Variants in BTBD8 observed in about 807,000 individuals in gnomAD.
BTBD8 encodes BTB domain containing 8, also known as BTB/POZ domain-containing protein 8.
In BTBD8, 110 loss-of-function variants were observed where a neutral mutation model predicts 162.9. The ratio of observed to expected loss-of-function variants is 0.68; its 90% CI spans 0.58 to 0.79. The LOEUF (loss-of-function observed/expected upper bound fraction) is 0.79. Ranked by LOEUF, BTBD8 falls within the 30% of genes least tolerant of loss-of-function variation. The probability of loss-of-function intolerance (pLI) is 0.00; values close to 1 mark genes in which losing one functional copy is unlikely to be tolerated. For missense variants in BTBD8, 1,905 were observed against 2,085.4 expected (o/e 0.91, Z 1.68); for synonymous variants, 667 against 716.1 (o/e 0.93, Z 1.10).
Position 92,147,684 on chromosome 1 carries a change from G to C in BTBD8, c.1020G>C (p.Lys340Asn), listed in dbSNP as rs576196285. Residue 340 changes from lysine (K) to asparagine (N), a missense_variant and splice_region_variant, in exon 9 of 18, where the codon AAG (lysine) becomes AAC (asparagine). Physicochemically the swap from Lys to Asn is moderately conservative, Grantham distance 94. Coordinates refer to ENST00000636805, the MANE Select transcript of BTBD8 (RefSeq NM_001376131.1). ...GVESLFADCM[K>N]WIVKHFARFW... is the part of the protein sequence containing the mutation. ...ACGTGGTATTCTTTTATTTTAACAGGTGGATTGTAAAGCATTTTGCAAGGT... is the reference window on the plus strand; with the variant it reads ...ACGTGGTATTCTTTTATTTTAACAGCTGGATTGTAAAGCATTTTGCAAGGT... 3.1e-6 allele frequency: 5 copies of C among 1,598,858 alleles called. No homozygotes were observed. In the African/African-American group the frequency reaches 6.7e-5, roughly 22 times the overall value.
At chr1:92,177,575 T>A (rs1416193336) in intron 14 of BTBD8, 29 bp downstream of exon 14, 2 of 1,377,200 alleles carry the variant, frequency 1.5e-6, no homozygotes, top group Admixed American at 2.8e-5. Flanking sequence ...ATTTTTAATA[T>A]CTCCTGACAG....
chr1:92,165,562 A>G lies in BTBD8; in HGVS notation c.1123-1396A>G, dbSNP rs78575889. Among the ~76,000 whole-genome samples, 947 of 152,096 alleles carry G rather than the reference A, an allele frequency of 6.2e-3. 7 individuals carry two copies. The highest frequency in any genetic ancestry group is 0.01 in the Middle Eastern group (3 of 290). On this transcript the variant is annotated intron_variant, in intron 9 of 17. Transcript: ENST00000636805. ...CCACATCATGCTGTCCATGTTAGGT[A>G]TTTCAGTCATTTCCAGATTTATCAA...
intron 1 of BTBD8, among the ~76,000 whole-genome samples, chr1:92,086,461 T>C (rs1648162923): frequency 6.6e-6 from 1 of 152,082 alleles, no homozygotes; most frequent in Non-Finnish European, 1.5e-5. Context: ...CAAAATCCTG[T>C]CTCTACAAAA....
rs1468597471 is a variant in BTBD8 at position 92,129,732 on chromosome 1, TG to T, written c.710del (p.Gly237AlafsTer16). On this transcript the variant is annotated frameshift_variant, in exon 5 of 18. Coordinates refer to ENST00000636805, the MANE Select transcript of BTBD8 (RefSeq NM_001376131.1). LOFTEE classifies it high-confidence loss of function. ...CTAGTTATTTTGCTGCAATGCTGAG[TG>T]GCTGTTGGGCTGAAAGCTCCCAAGA... Reference protein sequence around the residue: ...RSSYFAAMLSGCWAESSQEYV... With the variant: ...RSSYFAAMLSXCWAESSQEYV... 6.8e-6 allele frequency: 11 copies of T among 1,614,140 alleles called. No homozygotes were observed. The highest frequency in any genetic ancestry group is 9.3e-6 in the Non-Finnish European group (11 of 1,180,032).
chr1:92,107,184 A>T (rs1330047467), intron 3 of BTBD8, among the ~76,000 whole-genome samples: 1 of 152,190 alleles, frequency 6.6e-6, no homozygotes, highest in African/African-American at 2.4e-5. Context: ...TAGAGATTAG[A>T]AATTTTTCTA....
intron 13 of BTBD8, among the ~76,000 whole-genome samples, chr1:92,175,940 A>G (rs1353034540): frequency 1.3e-5 from 2 of 152,162 alleles, no homozygotes; most frequent in Non-Finnish European, 2.9e-5. Flanking sequence ...AGGTATGTTT[A>G]TCTTCAGTGC....
intron 5 of BTBD8, among the ~76,000 whole-genome samples, chr1:92,134,879 A>T (rs1039699529): frequency 4.7e-5 from 6 of 127,452 alleles, no homozygotes; most frequent in African/African-American, 2.0e-4. Context: ...ATTTTATTTA[A>T]TTAATTAATT....
chr1:92,118,747 T>C (rs141935076), intron 4 of BTBD8, among the ~76,000 whole-genome samples: 1 of 151,876 alleles, frequency 6.6e-6, no homozygotes, highest in Admixed American at 6.5e-5. Context: ...TATATCAGTG[T>C]AGACTCATAG....
chr1:92,125,675 T>G (rs1649336252), intron 4 of BTBD8: 6 of 354,060 alleles, frequency 1.7e-5, no homozygotes, highest in Non-Finnish European at 3.3e-5. Context: ...TATAAGATTA[T>G]ACCAAAAGCC....
intron 6 of BTBD8, 26 bp from the exon 7 acceptor site, chr1:92,141,089 T>C (rs778630377): frequency 1.3e-6 from 2 of 1,515,946 alleles, no homozygotes; most frequent in South Asian, 2.6e-5. Context: ...ATTGGAGAAT[T>C]AACAGTGCAT....
At chr1:92,168,802 A>G in intron 11 of BTBD8, 64 bp from the exon 12 acceptor site, 1 of 1,419,752 alleles carries the variant, frequency 7.0e-7, no homozygotes, top group Non-Finnish European at 9.4e-7. Flanking sequence ...TTCTGAAAGG[A>G]ATAATGACTG....
intron 2 of BTBD8, among the ~76,000 whole-genome samples, chr1:92,092,104 G>A (rs976973226): frequency 3.3e-5 from 5 of 152,086 alleles, no homozygotes; most frequent in Non-Finnish European, 7.4e-5. Flanking sequence ...ATTAGTGCCT[G>A]TATAAGAAGA....
intron 1 of BTBD8, among the ~76,000 whole-genome samples, chr1:92,082,257 A>G (rs1648038629): frequency 6.6e-6 from 1 of 152,146 alleles, no homozygotes; most frequent in African/African-American, 2.4e-5. Context: ...TCACCCAACC[A>G]CCTTAAATGC....
Position 92,149,531 on chromosome 1 carries a change from A to G in BTBD8, c.1122+1745A>G, listed in dbSNP as rs576719710. Among the ~76,000 whole-genome samples, 4 of 152,358 alleles carry G rather than the reference A, an allele frequency of 2.6e-5. No individual in the cohort carries two copies. The East Asian group carries it at 7.7e-4, about 29-fold the overall frequency. ...CAAGATGTTGACTCTGTAACATGTC[A>G]GTTTGACTAGGGTCAACTACACTTC... is the stretch of plus-strand genomic sequence containing the variant. On this transcript the variant is annotated intron_variant, in intron 9 of 17. Coordinates refer to ENST00000636805, the MANE Select transcript of BTBD8 (RefSeq NM_001376131.1).
intron 1 of BTBD8, among the ~76,000 whole-genome samples, chr1:92,081,451 T>A (rs535872914): frequency 2.0e-4 from 30 of 152,356 alleles, no homozygotes; most frequent in African/African-American, 7.0e-4. Context: ...TAAACTTGGG[T>A]GGGCATCACT....
chr1:92,163,063 C>T (rs1650303776), intron 9 of BTBD8, among the ~76,000 whole-genome samples: 1 of 151,802 alleles, frequency 6.6e-6, no homozygotes, highest in African/African-American at 2.4e-5. Flanking sequence ...GTGTAAAAGG[C>T]AAGATACAGG....
chr1:92,123,328 AG>A (rs1649266385), intron 4 of BTBD8, among the ~76,000 whole-genome samples: 1 of 152,210 alleles, frequency 6.6e-6, no homozygotes, highest in South Asian at 2.1e-4. Context: ...TTTGGCAATT[AG>A]GGGTCCTTTG....
At position 92,147,181 on chromosome 1, in the gene BTBD8, C is replaced by T; in HGVS notation, c.932C>T (p.Pro311Leu). The change falls in exon 8 of 18, where the codon CCT becomes CTT. Residue 311 changes from proline to leucine, a missense_variant and splice_region_variant. By Grantham distance (98) the Pro-to-Leu change is moderately conservative. Transcript: ENST00000636805. ...TATGGTGTTTTCCATCAATTTTAGC[C>T]TGTTCCCAGAACATTGACGTCTATA... ...RRDYCNFFQK[P>L]VPRTLTSILE... 3 of 1,594,328 alleles carry T rather than the reference C, an allele frequency of 1.9e-6. No homozygotes were observed. The highest frequency in any genetic ancestry group is 2.3e-5 in the South Asian group (2 of 86,996).
chr1:92,142,713 T>A (rs1649806983), intron 7 of BTBD8, among the ~76,000 whole-genome samples: 1 of 152,216 alleles, frequency 6.6e-6, no homozygotes, highest in South Asian at 2.1e-4. Flanking sequence ...CATGTCCCAC[T>A]TGGGGAGGTA....
Sources: gnomAD v4.1 joint callset for allele counts (sites outside exome capture counted in the v4.1 genomes callset) on GRCh38, gnomAD v4.1.1 for gene constraint, MANE v1.5 for transcripts, NCBI Gene and HGNC (gene_info 2026-07-23, HGNC 2026-07-21) for gene names.